Variants in POC5 observed in about 807,000 individuals in gnomAD.
The protein encoded by POC5 is POC5 centriolar protein.
In POC5, 48 loss-of-function variants were observed where a neutral mutation model predicts 62.9. The ratio of observed to expected loss-of-function variants is 0.76; its 90% CI spans 0.61 to 0.97. POC5 has a LOEUF of 0.97. Ranked by LOEUF, POC5 falls within the 50% of genes least tolerant of loss-of-function variation. The pLI is 0.00. For synonymous variants in POC5, 236 were observed against 228.2 expected (o/e 1.03, Z -0.31); for missense variants, 696 against 679.5 (o/e 1.02, Z -0.27).
rs748035584 is a variant in POC5 at position 75,702,803 on chromosome 5, T to C, written c.315A>G (p.Ser105=). 2.0e-5 allele frequency: 32 copies of C among 1,567,134 alleles called. 1 individual carries two copies. ...AAGGCTTCCTTGGCGATAACACTGG[T>C]GATGACTCTGAATAAAAGAAAAGTT... ...ISSHSKTDES[S]PVLSPRKPSH... The change falls in exon 5 of 12, where the codon TCA becomes TCG. Residue 105 remains serine (S), a synonymous_variant. Transcript: ENST00000428202.
At chr5:75,703,581 G>A (rs1478798764) in intron 4 of POC5, among the ~76,000 whole-genome samples, 4 of 151,968 alleles carry the variant, frequency 2.6e-5, no homozygotes, top group Non-Finnish European at 5.9e-5. Flanking sequence ...AGCCGAGATC[G>A]TGCCACTGCA....
intron 9 of POC5, 84 bp downstream of exon 9, chr5:75,688,928 T>G: frequency 7.9e-7 from 1 of 1,273,346 alleles, no homozygotes; most frequent in Non-Finnish European, 1.0e-6. Context: ...TGCAGATTAT[T>G]TGTACTGTAG....
chr5:75,702,521 C>G (rs1776930411), intron 5 of POC5, 84 bp downstream of exon 5: 5 of 1,341,432 alleles, frequency 3.7e-6, no homozygotes, highest in Middle Eastern at 1.8e-4. Context: ...AAGTTTAACT[C>G]AAAAAAACAA....
At chr5:75,707,276 C>T (rs1277423493) in intron 3 of POC5, among the ~76,000 whole-genome samples, 1 of 152,172 alleles carries the variant, frequency 6.6e-6, no homozygotes, top group Non-Finnish European at 1.5e-5. Context: ...CAGATGGGTT[C>T]ACCTTGTGAT....
intron 10 of POC5, among the ~76,000 whole-genome samples, chr5:75,680,749 T>A (rs1238229819): frequency 2.0e-5 from 3 of 152,094 alleles, no homozygotes; most frequent in African/African-American, 7.2e-5. Context: ...GTTTGGAAAG[T>A]TTTGTTAGGT....
intron 11 of POC5, 48 bp downstream of exon 11, chr5:75,677,726 T>C (rs1775723034): frequency 6.8e-7 from 1 of 1,474,008 alleles, no homozygotes. Flanking sequence ...GTCTATGAAC[T>C]CTCAGGAAAA....
chr5:75,685,424 T>A lies in POC5; in HGVS notation c.1190A>T (p.His397Leu). The A allele has an allele frequency of 6.2e-7, 1 of 1,613,918 alleles. No homozygotes were observed. The highest frequency in any genetic ancestry group is 8.5e-7 in the Non-Finnish European group (1 of 1,179,822). Reference protein sequence around the residue: ...EYGPGVQGKEHSAHLDPSAPP... With the variant: ...EYGPGVQGKELSAHLDPSAPP... ...AGCTGAAGGATCCAAATGAGCAGAA[T>A]GTTCTTTTCCTTGAACACCAGGACC... The change falls in exon 10 of 12, where the codon CAT (histidine) becomes CTT (leucine). Residue 397 changes from histidine (H) to leucine (L), a missense_variant. Coordinates refer to ENST00000428202, the MANE Select transcript of POC5 (RefSeq NM_001099271.2).
rs375200977 is a variant in POC5, at chr5:75,707,827, C to T, written c.133G>A (p.Glu45Lys). 4.8e-5 allele frequency: 77 copies of T among 1,588,990 alleles called. No homozygotes were observed. Among genetic ancestry groups the T allele is most frequent in the Non-Finnish European group, 6.2e-5 (72 of 1,164,452 alleles). The change falls in exon 3 of 12, where the codon GAA (glutamate) becomes AAA (lysine). Residue 45 changes from glutamate (E) to lysine (K), a missense_variant. Physicochemically the swap from Glu to Lys is moderately conservative, Grantham distance 56 (BLOSUM62 1). Transcript: ENST00000428202. The part of the protein sequence containing the change: ...LHYAIVTPNI[E>K]PCASQSSHPK... Reference sequence around the variant, plus strand: ...TGAGATGACTGTGAAGCACAGGGTTCAATATTTGGAGTCACTATAGCATAA... The same window carrying T: ...TGAGATGACTGTGAAGCACAGGGTTTAATATTTGGAGTCACTATAGCATAA...
intron 5 of POC5, 143 bp from the exon 6 acceptor site, chr5:75,694,974 A>C (rs1463478701): frequency 3.3e-6 from 2 of 597,464 alleles, no homozygotes; most frequent in Non-Finnish European, 5.5e-6. Context: ...CATTAATGAA[A>C]AACATATGTA....
chr5:75,675,513 GA>G (rs1421080553), intron 11 of POC5, among the ~76,000 whole-genome samples: 1 of 152,210 alleles, frequency 6.6e-6, no homozygotes, highest in Non-Finnish European at 1.5e-5. Flanking sequence ...AAAAAAGAAT[GA>G]AACTTCTTAA....
At chr5:75,714,408 G>C in intron 1 of POC5, among the ~76,000 whole-genome samples, 1 of 152,106 alleles carries the variant, frequency 6.6e-6, no homozygotes, top group South Asian at 2.1e-4. Flanking sequence ...TCAATTGAGA[G>C]CTGACTGCAG....
intron 5 of POC5, among the ~76,000 whole-genome samples, chr5:75,700,620 A>C (rs1417618533): frequency 6.7e-6 from 1 of 150,190 alleles, no homozygotes; most frequent in Non-Finnish European, 1.5e-5. Context: ...AAAACCCTAG[A>C]AGAAAACCTA....
chr5:75,686,961 C>T (rs183803187), intron 9 of POC5, among the ~76,000 whole-genome samples: 2 of 152,242 alleles, frequency 1.3e-5, no homozygotes, highest in East Asian at 3.9e-4. Flanking sequence ...AAATAAAAAA[C>T]CAAATATTTA....
chr5:75,700,707 A>C (rs971830948), intron 5 of POC5, among the ~76,000 whole-genome samples: 8 of 144,950 alleles, frequency 5.5e-5, no homozygotes, highest in African/African-American at 2.0e-4. Flanking sequence ...ACAAAAGCCA[A>C]AATTGACAAA....
At chr5:75,697,511 A>AT (rs1418995566) in intron 5 of POC5, among the ~76,000 whole-genome samples, 1 of 152,162 alleles carries the variant, frequency 6.6e-6, no homozygotes, top group African/African-American at 2.4e-5. Flanking sequence ...AAGCTGAGAG[A>AT]TTTTGTCACC....
intron 1 of POC5, 44 bp from the exon 2 acceptor site, chr5:75,712,995 A>G: frequency 2.2e-6 from 3 of 1,376,706 alleles, no homozygotes; most frequent in Non-Finnish European, 3.0e-6. Context: ...CTTGATATTT[A>G]AGATAAAATC....
intron 5 of POC5, among the ~76,000 whole-genome samples, chr5:75,695,137 A>T (rs768173083): frequency 2.6e-5 from 4 of 152,232 alleles, no homozygotes; most frequent in Non-Finnish European, 5.9e-5. Context: ...CAAGGATTAA[A>T]TGTCCATATG....
chr5:75,685,312 T>G lies in POC5; in HGVS notation c.1302A>C (p.Ser434=), dbSNP rs1228635215. The G allele has an allele frequency of 1.2e-6, 2 of 1,614,018 alleles. No individual in the cohort carries two copies. The highest frequency in any genetic ancestry group is 3.3e-5 in the Admixed American group (2 of 60,028). The stretch of plus-strand genomic sequence containing the variant: ...CCCTGGTAGAAGTCATCGAAGCAGC[T>G]GAGGGAACGGCAGTCGCGCTGGCTC... The part of the protein sequence containing the change: ...VGGASATAVP[S]AASMTSTRAA... The change falls in exon 10 of 12, where the codon TCA becomes TCC. Residue 434 remains serine, a synonymous_variant. Transcript: ENST00000428202.
chr5:75,705,368 T>C, intron 4 of POC5: 1 of 168,230 alleles, frequency 5.9e-6, no homozygotes, highest in Non-Finnish European at 1.3e-5. Flanking sequence ...GGTACGCAAA[T>C]GCCTGAAAGT....
Sources: allele counts gnomAD v4.1 joint callset (sites outside exome capture counted in the v4.1 genomes callset), GRCh38; gene constraint gnomAD v4.1.1; transcripts MANE v1.5; gene names NCBI Gene and HGNC (gene_info 2026-07-23, HGNC 2026-07-21).